Variants in TBC1D9B observed in about 807,000 individuals in gnomAD.
TBC1D9B encodes TBC1 domain family, member 9B (with GRAM domain).
A neutral mutation model predicts 121.1 loss-of-function variants in TBC1D9B; 87 were observed. That is an observed-to-expected ratio of 0.72 (90% CI 0.60 to 0.86). The LOEUF is 0.86. TBC1D9B is among the 40% of genes least tolerant of loss of function. The probability of loss-of-function intolerance (pLI) is 0.00; values close to 1 mark genes in which losing one functional copy is unlikely to be tolerated. For missense variants in TBC1D9B, 1,540 were observed against 1,628.6 expected, an observed-to-expected ratio of 0.95 and a Z score of 0.94; for synonymous variants, 668 against 670.1, an observed-to-expected ratio of 1.00 and a Z score of 0.05.
intron 10 of TBC1D9B, 60 bp downstream of exon 10, chr5:179,878,249 C>T (rs12518000): frequency 0.15 from 230,284 of 1,543,106 alleles, 23,939 homozygotes; most frequent in East Asian, 0.49. Flanking sequence ...ACCACAGGGA[C>T]CTGCTCCTGT....
intron 15 of TBC1D9B, among the ~76,000 whole-genome samples, chr5:179,870,862 T>C (rs969942441): frequency 1.3e-5 from 2 of 152,158 alleles, no homozygotes; most frequent in African/African-American, 4.8e-5. Context: ...TCAACTGTTG[T>C]GACGCTAGGG....
Position 179,879,042 on chromosome 5 carries a change from C to T in TBC1D9B, c.1567+5G>A, listed in dbSNP as rs1319924173. The T allele has an allele frequency of 6.2e-7, 1 of 1,600,416 alleles. No individual in the cohort carries two copies. Among genetic ancestry groups the T allele is most frequent in the Non-Finnish European group, 8.5e-7 (1 of 1,179,476 alleles). On this transcript the variant is annotated splice_donor_5th_base_variant and intron_variant, in intron 9 of 20. Coordinates refer to ENST00000355235, the MANE Select transcript of TBC1D9B (RefSeq NM_015043.4). ...TGAGGCTGGGGGTGGCTGCACCCCA[C>T]TCACCGGAGAAGAGGAGCCACAGCT... is the stretch of plus-strand genomic sequence containing the variant.
At chr5:179,898,389 G>A (rs964181053) in intron 3 of TBC1D9B, among the ~76,000 whole-genome samples, 1 of 151,850 alleles carries the variant, frequency 6.6e-6, no homozygotes, top group African/African-American at 2.4e-5. Context: ...TCCTAACCTC[G>A]TGATCTGCCT....
In TBC1D9B at chr5:179,869,770, T is replaced by C; in HGVS notation, c.2790A>G (p.Pro930=). 1 of 1,608,936 alleles carries C rather than the reference T, an allele frequency of 6.2e-7. No homozygotes were observed. The highest frequency in any genetic ancestry group is 8.5e-7 in the Non-Finnish European group (1 of 1,177,298). ...LKVLYKLHLP[P]ALSPEEAESA... is the part of the protein sequence containing the mutation. Reference sequence around the variant, plus strand: ...GGGGAGTGGGCAGGAGGCTCTCACCTGGGGGAAGGTGTAGCTTGTAGAGCA... The same window carrying C: ...GGGGAGTGGGCAGGAGGCTCTCACCCGGGGGAAGGTGTAGCTTGTAGAGCA... Residue 930 remains proline, a splice_region_variant and synonymous_variant, in exon 17 of 21, where the codon CCA becomes CCG. Transcript: ENST00000355235.
chr5:179,902,657 T>A lies in TBC1D9B; in HGVS notation c.229+2045A>T, dbSNP rs1761196003. ...ATTCCCACTCTGCCCCTCGTACTTT[T>A]CTCTCCCCAGGGACGGGCAGCTCTT... On this transcript the variant is annotated intron_variant, in intron 2 of 20. Transcript: ENST00000355235. This position sits in a 1 kb window ranked among gnomAD's most constrained non-coding sequence, Gnocchi z 4.9. 6.6e-6 allele frequency among the ~76,000 whole-genome samples: 1 copy of A among 152,090 alleles called. No individual in the cohort carries two copies.
At chr5:179,888,436 C>T (rs545165713) in intron 6 of TBC1D9B, 124 bp from the exon 7 acceptor site, 12 of 989,830 alleles carry the variant, frequency 1.2e-5, no homozygotes, top group South Asian at 5.9e-5. Flanking sequence ...AGTGGCCCAA[C>T]TGTCCTCACA....
intron 14 of TBC1D9B, 48 bp from the exon 15 acceptor site, chr5:179,871,578 G>C: frequency 6.3e-7 from 1 of 1,589,898 alleles, no homozygotes; most frequent in South Asian, 1.1e-5. Flanking sequence ...CAAGCTCCTG[G>C]CACAGAAGTA....
chr5:179,873,566 A>C (rs561458184), intron 12 of TBC1D9B, among the ~76,000 whole-genome samples: 1 of 152,332 alleles, frequency 6.6e-6, no homozygotes, highest in East Asian at 1.9e-4. Context: ...TGGAAGGATG[A>C]CGAGCTTCCT....
In TBC1D9B at chr5:179,873,216, A is replaced by G; in HGVS notation, c.2219T>C (p.Val740Ala). The G allele has an allele frequency of 6.2e-7, 1 of 1,612,792 alleles. No individual in the cohort carries two copies. The highest frequency in any genetic ancestry group is 8.5e-7 in the Non-Finnish European group (1 of 1,179,460). The stretch of plus-strand genomic sequence containing the variant: ...ACGGAGGTGCGGGATAGGAGGAGAG[A>G]CACTCTGCTTGTTGACCACATTATC... ...YLDNVVNKQSVSPPIPHLRAL... is the reference protein window; with the variant it reads ...YLDNVVNKQSASPPIPHLRAL... The change falls in exon 13 of 21, where the codon GTC becomes GCC. Residue 740 changes from valine to alanine, a missense_variant. Transcript: ENST00000355235.
chr5:179,869,894 G>C lies in TBC1D9B; in HGVS notation c.2726-60C>G, dbSNP rs899645391. 4.1e-6 allele frequency: 6 copies of C among 1,479,230 alleles called. No individual in the cohort carries two copies. The African/African-American group carries it at 7.1e-5, about 17-fold the overall frequency. 91.6% of individuals were successfully genotyped at this position (1,479,230 alleles called of 1,614,324 possible). ...ACATGGCTGCAGAGCCCCTTCCAGG[G>C]GGTCCGAGTAGGACCCTCTTCACAG... On this transcript the variant is annotated intron_variant, in intron 16 of 20. Coordinates refer to ENST00000355235, the MANE Select transcript of TBC1D9B (RefSeq NM_015043.4).
intron 10 of TBC1D9B, 85 bp downstream of exon 10, chr5:179,878,224 C>T: frequency 1.4e-6 from 2 of 1,430,170 alleles, no homozygotes; most frequent in South Asian, 2.6e-5. Context: ...GGCAGGGTCA[C>T]CACACAGGCC....
At chr5:179,884,943 A>G (rs1760636637) in intron 7 of TBC1D9B, among the ~76,000 whole-genome samples, 1 of 152,188 alleles carries the variant, frequency 6.6e-6, no homozygotes, top group Non-Finnish European at 1.5e-5. Context: ...GTGATGGCAT[A>G]GCAATGTCAA....
At chr5:179,889,382 C>G (rs775678696) in intron 6 of TBC1D9B, among the ~76,000 whole-genome samples, 2 of 152,022 alleles carry the variant, frequency 1.3e-5, no homozygotes, top group Middle Eastern at 3.4e-3. Context: ...TGTGCCTGGG[C>G]GCAGGTCTGA....
At chr5:179,892,442 C>A (rs1760893211) in intron 5 of TBC1D9B, among the ~76,000 whole-genome samples, 1 of 152,252 alleles carries the variant, frequency 6.6e-6, no homozygotes, top group East Asian at 1.9e-4. Flanking sequence ...GGGTGTGAAT[C>A]TGGCTGTGGT....
chr5:179,878,334 C>T lies in TBC1D9B; in HGVS notation c.1757G>A (p.Arg586Gln), dbSNP rs201947346. ...LRRVLTAYAF[R>Q]NPTIGYCQAM... is the part of the protein sequence containing the mutation. ...CTGGCAGTAGCCGATGGTGGGGTTT[C>T]GGAAGGCATAGGCAGTCAGCACCCG... The change falls in exon 10 of 21, where the codon CGA (arginine) becomes CAA (glutamine). Residue 586 changes from arginine to glutamine, a missense_variant. Coordinates refer to ENST00000355235, the MANE Select transcript of TBC1D9B (RefSeq NM_015043.4). 47 of 1,613,386 alleles carry T rather than the reference C, an allele frequency of 2.9e-5. No homozygotes were observed. Among genetic ancestry groups the T allele is most frequent in the Admixed American group, 5.0e-5 (3 of 59,956 alleles).
Position 179,907,885 on chromosome 5 carries a change from C to A in TBC1D9B, c.-64G>T. The stretch of plus-strand genomic sequence containing the variant: ...GAAGCGCCCGCCGCCGTCGGCGTCC[C>A]GGAGCGGAGCGTGCGGAGCGGAGCG... On this transcript the variant is annotated 5_prime_UTR_variant, in exon 1 of 21. Transcript: ENST00000355235. This position sits in a 1 kb window ranked among gnomAD's most constrained non-coding sequence, Gnocchi z 5.3. 3.3e-6 allele frequency: 3 copies of A among 919,178 alleles called. No homozygotes were observed. Among genetic ancestry groups the A allele is most frequent in the Non-Finnish European group, 3.9e-6 (3 of 774,250 alleles). 56.9% of individuals were successfully genotyped at this position (919,178 alleles called of 1,614,324 possible). A position where few individuals can be genotyped will look rare whatever the true frequency, so the allele number is the denominator to read the frequency against.
chr5:179,867,249 C>A, intron 18 of TBC1D9B: 1 of 585,516 alleles, frequency 1.7e-6, no homozygotes, highest in South Asian at 2.6e-5. Flanking sequence ...AGTGTGGGGG[C>A]CTTATTTACC....
intron 7 of TBC1D9B, chr5:179,887,704 T>C (rs1760730137): frequency 4.1e-6 from 1 of 241,930 alleles, no homozygotes; most frequent in Admixed American, 5.8e-5. Flanking sequence ...AGTTTGCTGG[T>C]ACAATAGTGA....
At chr5:179,881,926 T>C (rs1402266905) in intron 7 of TBC1D9B, among the ~76,000 whole-genome samples, 8 of 151,396 alleles carry the variant, frequency 5.3e-5, no homozygotes, top group Non-Finnish European at 1.2e-4. Context: ...CTATTTTCCA[T>C]ATCTTTCCAT....
Sources: allele counts gnomAD v4.1 joint callset (sites outside exome capture counted in the v4.1 genomes callset), GRCh38; gene constraint gnomAD v4.1.1; non-coding constraint Gnocchi (gnomAD v3.1); transcripts MANE v1.5; gene names NCBI Gene and HGNC (gene_info 2026-07-23, HGNC 2026-07-21).